The following LIMD1 variants were observed in gnomAD, a reference collection of about 807,000 sequenced individuals.
LIMD1 encodes the protein LIM domain-containing protein 1.
A neutral mutation model predicts 58.4 loss-of-function variants in LIMD1; 23 were observed. The observed-to-expected ratio is 0.39, with a 90% CI of 0.28 to 0.56. The LOEUF is 0.56. Among genes scored for constraint, LIMD1 ranks in the 20% least tolerant of loss-of-function variants. The pLI is 0.57. For missense variants in LIMD1, 838 were observed against 855.5 expected, an observed-to-expected ratio of 0.98 and a Z score of 0.25; for synonymous variants, 334 against 345.5, an observed-to-expected ratio of 0.97 and a Z score of 0.37.
In LIMD1 at chr3:45,596,262, T is replaced by C; in HGVS notation, c.1383T>C (p.Asp461=). Residue 461 remains aspartate, a synonymous_variant, in exon 1 of 8, where the codon GAT becomes GAC. Coordinates refer to ENST00000273317, the MANE Select transcript of LIMD1 (RefSeq NM_014240.3). ...CCCAACGTCTGGAGCGAGAGATGGA[T>C]GCTCACCCGAAGGCTGATTACTTTG... is the stretch of plus-strand genomic sequence containing the variant. ...ALTQRLEREM[D]AHPKADYFGA... The C allele has an allele frequency of 6.2e-7, 1 of 1,608,226 alleles. No individual in the cohort carries two copies.
At position 45,636,177 on chromosome 3, in the gene LIMD1, T is replaced by A. The variant is rs1701786809; in HGVS notation, c.1436T>A (p.Val479Glu). Residue 479 changes from valine to glutamate, a missense_variant, in exon 2 of 8, where the codon GTG (valine) becomes GAG (glutamate). Transcript: ENST00000273317. ...GCCTGTGTGAAATGCAGCAAAGGGG[T>A]GTTTGGGGCTGGCCAGGCCTGTCAG... ...FGACVKCSKGVFGAGQACQAM... is the reference protein window; with the variant it reads ...FGACVKCSKGEFGAGQACQAM... 6.2e-7 allele frequency: 1 copy of A among 1,611,952 alleles called. No individual in the cohort carries two copies. The highest frequency in any genetic ancestry group is 1.3e-5 in the African/African-American group (1 of 74,604).
In LIMD1 at chr3:45,684,034, TC is replaced by T. The variant is rs1377137239; in HGVS notation, c.*6977del. On this transcript the variant is annotated 3_prime_UTR_variant, in exon 8 of 8. Coordinates refer to ENST00000273317, the MANE Select transcript of LIMD1 (RefSeq NM_014240.3). ...TCCCTGGATTGAAAACAGAAATGCT[TC>T]CTACACAAACATGATTGAGACCTTG... 6 of 152,088 alleles carry T rather than the reference TC, an allele frequency of 3.9e-5. No individual in the cohort carries two copies. The highest frequency in any genetic ancestry group is 1.2e-4 in the African/African-American group (5 of 41,386). The allele number at this position is 152,088 out of a possible 1,614,324, so 9.4% of individuals were successfully genotyped here.
chr3:45,623,092 A>G (rs1402082922), intron 1 of LIMD1, among the ~76,000 whole-genome samples: 2 of 152,064 alleles, frequency 1.3e-5, no homozygotes, highest in African/African-American at 2.4e-5. Context: ...TATCATCCTT[A>G]TTTTCCATCT....
chr3:45,595,017 G>A lies in LIMD1; in HGVS notation c.138G>A (p.Arg46=), dbSNP rs1177083822. The A allele has an allele frequency of 3.7e-6, 6 of 1,613,840 alleles. No homozygotes were observed. In the African/African-American group the frequency reaches 6.7e-5, roughly 18 times the overall value. Reference sequence around the variant, plus strand: ...ACCCCGAGTTTGAGGAAACTCGCAGGGTGTTCGCCACCAAGATGGCCAAAA... The same window carrying A: ...ACCCCGAGTTTGAGGAAACTCGCAGAGTGTTCGCCACCAAGATGGCCAAAA... The part of the protein sequence containing the change: ...GNNPEFEETR[R]VFATKMAKIH... Residue 46 remains arginine (R), a synonymous_variant, in exon 1 of 8, where the codon AGG becomes AGA. Coordinates refer to ENST00000273317, the MANE Select transcript of LIMD1 (RefSeq NM_014240.3).
intron 1 of LIMD1, among the ~76,000 whole-genome samples, chr3:45,627,222 C>T (rs1332744913): frequency 1.3e-5 from 2 of 152,062 alleles, no homozygotes; most frequent in African/African-American, 2.4e-5. Context: ...TTTGGGGATT[C>T]GCTGGTGCCC....
intron 1 of LIMD1, among the ~76,000 whole-genome samples, chr3:45,597,797 C>T (rs1304617711): frequency 6.6e-6 from 1 of 152,036 alleles, no homozygotes; most frequent in African/African-American, 2.4e-5. Flanking sequence ...AGCAAGTGTC[C>T]CAAGGTCCTT....
At position 45,627,778 on chromosome 3, in the gene LIMD1, C is replaced by T. The variant is rs189709351; in HGVS notation, c.1409-8372C>T. ...ATCCCAGCACTTTGGGAGGCCGAGGCGGGTGGATCACTTGAGGTCAGGAGT... is the reference window on the plus strand; with the variant it reads ...ATCCCAGCACTTTGGGAGGCCGAGGTGGGTGGATCACTTGAGGTCAGGAGT... On this transcript the variant is annotated intron_variant, in intron 1 of 7. Transcript: ENST00000273317. 3.0e-4 allele frequency among the ~76,000 whole-genome samples: 45 copies of T among 148,852 alleles called. 1 individual carries two copies. In the East Asian group the frequency reaches 6.9e-3, roughly 23 times the overall value.
chr3:45,634,183 G>T (rs1446632739), intron 1 of LIMD1, among the ~76,000 whole-genome samples: 1 of 152,160 alleles, frequency 6.6e-6, no homozygotes, highest in Non-Finnish European at 1.5e-5. Context: ...TACAGAAAAT[G>T]TAAAGAAATA....
In LIMD1 at chr3:45,599,221, A is replaced by G. The variant is rs569066676; in HGVS notation, c.1408+2934A>G. Among the ~76,000 whole-genome samples, 28 of 152,204 alleles carry G rather than the reference A, an allele frequency of 1.8e-4. No individual in the cohort carries two copies. The South Asian group carries it at 5.6e-3, about 30-fold the overall frequency. On this transcript the variant is annotated intron_variant, in intron 1 of 7. Coordinates refer to ENST00000273317, the MANE Select transcript of LIMD1 (RefSeq NM_014240.3). ...GAAGTGAACAATTCAGTGGTGTTTAATATTAATACATTCACAACGTTGTAC... is the reference window on the plus strand; with the variant it reads ...GAAGTGAACAATTCAGTGGTGTTTAGTATTAATACATTCACAACGTTGTAC...
At chr3:45,624,504 G>A (rs1701652084) in intron 1 of LIMD1, among the ~76,000 whole-genome samples, 1 of 152,054 alleles carries the variant, frequency 6.6e-6, no homozygotes, top group South Asian at 2.1e-4. Flanking sequence ...TCAGGAGATC[G>A]AGACCATCCT....
chr3:45,633,594 C>A (rs561275699), intron 1 of LIMD1, among the ~76,000 whole-genome samples: 9 of 152,176 alleles, frequency 5.9e-5, no homozygotes, highest in African/African-American at 1.9e-4. Context: ...ATGTGGGTAC[C>A]CTCTGTATAA....
At chr3:45,615,163 A>G (rs966795294) in intron 1 of LIMD1, among the ~76,000 whole-genome samples, 48 of 152,216 alleles carry the variant, frequency 3.2e-4, no homozygotes, top group African/African-American at 1.1e-3. Flanking sequence ...GTGGCAAAAC[A>G]TACATGTGTT....
At chr3:45,665,395 G>A (rs148857530) in intron 2 of LIMD1, among the ~76,000 whole-genome samples, 52 of 152,010 alleles carry the variant, frequency 3.4e-4, no homozygotes, top group Non-Finnish European at 5.4e-4. Context: ...GAAGGTGAGC[G>A]TAGGATGACT....
chr3:45,608,892 A>C (rs1445831562), intron 1 of LIMD1, among the ~76,000 whole-genome samples: 4 of 151,934 alleles, frequency 2.6e-5, no homozygotes, highest in Non-Finnish European at 5.9e-5. Flanking sequence ...CAAACACTGA[A>C]TTAGTGATAA....
At chr3:45,636,775 C>T (rs955499080) in intron 2 of LIMD1, among the ~76,000 whole-genome samples, 1 of 152,124 alleles carries the variant, frequency 6.6e-6, no homozygotes, top group African/African-American at 2.4e-5. Flanking sequence ...GTGCTGGTGC[C>T]TACCTAGCAC....
Position 45,596,100 on chromosome 3 carries a change from C to T in LIMD1, c.1221C>T (p.Gly407=), listed in dbSNP as rs142215076. 1.1e-4 allele frequency: 178 copies of T among 1,614,212 alleles called. No homozygotes were observed. In the African/African-American group the frequency reaches 2.3e-3, roughly 21 times the overall value. ...PELSCKEGPL[G]WSSDGSLGSV... Reference sequence around the variant, plus strand: ...TATCTTGTAAAGAGGGTCCCCTGGGCTGGTCTTCTGATGGTAGCCTGGGAT... The same window carrying T: ...TATCTTGTAAAGAGGGTCCCCTGGGTTGGTCTTCTGATGGTAGCCTGGGAT... Residue 407 remains glycine (G), a synonymous_variant, in exon 1 of 8, where the codon GGC becomes GGT. Transcript: ENST00000273317.
rs755952964 is a variant in LIMD1, at chr3:45,636,213, A to C, written c.1472A>C (p.Asn491Thr). 4 of 1,612,714 alleles carry C rather than the reference A, an allele frequency of 2.5e-6. No homozygotes were observed. Among genetic ancestry groups the C allele is most frequent in the Non-Finnish European group, 3.4e-6 (4 of 1,179,480 alleles). Reference protein sequence around the residue: ...GAGQACQAMGNLYHDTCFTCA... With the variant: ...GAGQACQAMGTLYHDTCFTCA... Reference sequence around the variant, plus strand: ...GGCCAGGCCTGTCAGGCCATGGGGAACCTCTACCATGACACATGCTTCACC... The same window carrying C: ...GGCCAGGCCTGTCAGGCCATGGGGACCCTCTACCATGACACATGCTTCACC... Residue 491 changes from asparagine to threonine, a missense_variant, in exon 2 of 8, where the codon AAC (asparagine) becomes ACC (threonine). Asn to Thr is a moderately conservative substitution (Grantham distance 65, BLOSUM62 0). This residue lies in a region of LIMD1 where 659 missense variants were observed against 639.8 expected (regional missense o/e 1.03). Coordinates refer to ENST00000273317, the MANE Select transcript of LIMD1 (RefSeq NM_014240.3).
chr3:45,599,029 G>T (rs949877298), intron 1 of LIMD1, among the ~76,000 whole-genome samples: 2 of 152,126 alleles, frequency 1.3e-5, no homozygotes, highest in African/African-American at 4.8e-5. Flanking sequence ...ATTGGGTACT[G>T]CTGGGACTTG....
chr3:45,654,812 C>CAA (rs1227980901), intron 2 of LIMD1, among the ~76,000 whole-genome samples: 2,779 of 55,938 alleles, frequency 0.05, 76 homozygotes, highest in African/African-American at 0.062. Flanking sequence ...GACCCTGTCT[C>CAA]AAAAAAAAAA....
Sources: gnomAD v4.1 joint callset for allele counts (sites outside exome capture counted in the v4.1 genomes callset) on GRCh38, gnomAD v4.1.1 for gene constraint, gnomAD v4.1.1 regional missense constraint, MANE v1.5 for transcripts, NCBI Gene and HGNC (gene_info 2026-07-23, HGNC 2026-07-21) for gene names.